Variants in MBD5 observed in about 807,000 individuals in gnomAD.
MBD5 encodes the protein methyl-CpG-binding domain protein 5.
Under a neutral mutation model 117.3 loss-of-function variants are expected in MBD5, and 13 were observed. The observed-to-expected ratio is 0.11, with a 90% CI of 0.07 to 0.18. The LOEUF is 0.18. Ranked by LOEUF, MBD5 falls within the 10% of genes least tolerant of loss-of-function variation. The pLI, the probability that MBD5 is intolerant of heterozygous loss-of-function variation, is 1.00. For missense variants in MBD5, 1,879 were observed against 2,093.8 expected, an observed-to-expected ratio of 0.90 and a Z score of 2.00; for synonymous variants, 727 against 766.4, an observed-to-expected ratio of 0.95 and a Z score of 0.85.
intron 1 of MBD5, among the ~76,000 whole-genome samples, chr2:148,086,864 CT>C (rs1368287948): frequency 6.6e-6 from 1 of 152,126 alleles, no homozygotes; most frequent in African/African-American, 2.4e-5. Context: ...ACTACCTCGC[CT>C]TTATCTTTAA....
intron 1 of MBD5, among the ~76,000 whole-genome samples, chr2:148,065,537 T>C (rs1317292096): frequency 1.3e-5 from 2 of 152,146 alleles, no homozygotes; most frequent in African/African-American, 2.4e-5. Flanking sequence ...GCATTTGAAA[T>C]CATCATTCAA....
At chr2:148,385,474 G>T (rs1704322228) in intron 4 of MBD5, among the ~76,000 whole-genome samples, 1 of 152,070 alleles carries the variant, frequency 6.6e-6, no homozygotes, top group Non-Finnish European at 1.5e-5. Flanking sequence ...GTGCTGGAGA[G>T]GATGTGGAGA....
intron 1 of MBD5, among the ~76,000 whole-genome samples, chr2:148,168,582 C>T (rs1428679051): frequency 6.6e-6 from 1 of 151,980 alleles, no homozygotes; most frequent in African/African-American, 2.4e-5. Flanking sequence ...GGATATACTA[C>T]TAGAGATGTG....
intron 3 of MBD5, among the ~76,000 whole-genome samples, chr2:148,255,199 G>A (rs1700556456): frequency 6.6e-6 from 1 of 152,198 alleles, no homozygotes; most frequent in Non-Finnish European, 1.5e-5. Flanking sequence ...CAACATAGAA[G>A]CTAACTTTTT....
chr2:148,385,134 G>T (rs6730847), intron 4 of MBD5, among the ~76,000 whole-genome samples: 2 of 151,442 alleles, frequency 1.3e-5, no homozygotes, highest in Non-Finnish European at 3.0e-5. Context: ...AAACTAAAGA[G>T]CTTGTGCACA....
chr2:148,160,107 T>G (rs1205005749), intron 1 of MBD5, among the ~76,000 whole-genome samples: 1 of 152,170 alleles, frequency 6.6e-6, no homozygotes, highest in African/African-American at 2.4e-5. Context: ...TATGGAAATC[T>G]GCTCCACAGA....
chr2:148,381,467 C>G (rs1704140780), intron 4 of MBD5, among the ~76,000 whole-genome samples: 1 of 152,060 alleles, frequency 6.6e-6, no homozygotes, highest in South Asian at 2.1e-4. Context: ...GTGAAAAGAC[C>G]AAATCTACGT....
chr2:148,420,601 G>A (rs991628810), intron 4 of MBD5, among the ~76,000 whole-genome samples: 2 of 151,968 alleles, frequency 1.3e-5, no homozygotes, highest in Non-Finnish European at 1.5e-5. Flanking sequence ...ATACTATATT[G>A]CAAACATCAC....
intron 1 of MBD5, among the ~76,000 whole-genome samples, chr2:148,148,860 C>CTA (rs1474344115): frequency 1.3e-5 from 2 of 152,132 alleles, no homozygotes; most frequent in Non-Finnish European, 2.9e-5. Flanking sequence ...ATTTTTCTCT[C>CTA]TATATGCCCT....
intron 1 of MBD5, among the ~76,000 whole-genome samples, chr2:148,126,212 G>A (rs1005098716): frequency 2.7e-5 from 4 of 150,396 alleles, no homozygotes; most frequent in African/African-American, 9.8e-5. Flanking sequence ...CCTGGCCAAT[G>A]TGGTGAAACC....
chr2:148,167,871 C>T (rs894905237), intron 1 of MBD5, among the ~76,000 whole-genome samples: 2 of 152,012 alleles, frequency 1.3e-5, no homozygotes, highest in Non-Finnish European at 2.9e-5. Flanking sequence ...GTAATGGTGG[C>T]CCACCACCAC....
chr2:148,478,407 AC>A (rs1260513172), intron 8 of MBD5, among the ~76,000 whole-genome samples: 1 of 152,044 alleles, frequency 6.6e-6, no homozygotes, highest in Non-Finnish European at 1.5e-5. Flanking sequence ...ATACGGTGAA[AC>A]CCTGTCTGTA....
chr2:148,151,318 T>C (rs1697656476), intron 1 of MBD5, among the ~76,000 whole-genome samples: 1 of 151,790 alleles, frequency 6.6e-6, no homozygotes, highest in Non-Finnish European at 1.5e-5. Context: ...GATAAGCTTT[T>C]TGATGTGCTG....
chr2:148,090,088 G>A (rs1422195865), intron 1 of MBD5, among the ~76,000 whole-genome samples: 1 of 151,936 alleles, frequency 6.6e-6, no homozygotes, highest in Non-Finnish European at 1.5e-5. Context: ...AAATCTGAAG[G>A]AGATGGATAA....
intron 11 of MBD5, among the ~76,000 whole-genome samples, chr2:148,490,963 T>C (rs183668301): frequency 6.6e-6 from 1 of 152,302 alleles, no homozygotes; most frequent in Non-Finnish European, 1.5e-5. Flanking sequence ...TCTGGTAGCC[T>C]TTGGAGGTCC....
chr2:148,141,584 A>T (rs1271392458), intron 1 of MBD5, among the ~76,000 whole-genome samples: 3 of 152,180 alleles, frequency 2.0e-5, no homozygotes, highest in South Asian at 2.1e-4. Flanking sequence ...TTAAATTTTT[A>T]AAATTATATC....
In MBD5 at chr2:148,513,310, T is replaced by C; in HGVS notation, c.*369T>C. On this transcript the variant is annotated 3_prime_UTR_variant, in exon 14 of 14. Transcript: ENST00000642680. Reference sequence around the variant, plus strand: ...GGTGATATCAGAAATGTAAATATTGTACAGTATTGTCATGTACAAGCGTAC... The same window carrying C: ...GGTGATATCAGAAATGTAAATATTGCACAGTATTGTCATGTACAAGCGTAC... 3.5e-6 allele frequency: 1 copy of C among 286,936 alleles called. No individual in the cohort carries two copies. The highest frequency in any genetic ancestry group is 6.7e-6 in the Non-Finnish European group (1 of 149,070). The allele number at this position is 286,936 out of a possible 1,614,324, so 17.8% of individuals were successfully genotyped here. A position where few individuals can be genotyped will look rare whatever the true frequency, so the allele number is the denominator to read the frequency against.
chr2:148,427,043 A>G (rs939972659), intron 4 of MBD5, among the ~76,000 whole-genome samples: 2 of 152,246 alleles, frequency 1.3e-5, no homozygotes, highest in Admixed American at 1.3e-4. Flanking sequence ...CAAAAAACAC[A>G]TGAAAAAATA....
At chr2:148,213,722 CT>C (rs1458285994) in intron 2 of MBD5, among the ~76,000 whole-genome samples, 4 of 152,122 alleles carry the variant, frequency 2.6e-5, no homozygotes, top group Non-Finnish European at 5.9e-5. Flanking sequence ...GTATTTGAGA[CT>C]TACCCCTTTT....
Sources: allele counts gnomAD v4.1 joint callset (sites outside exome capture counted in the v4.1 genomes callset), GRCh38; gene constraint gnomAD v4.1.1; transcripts MANE v1.5; gene names NCBI Gene and HGNC (gene_info 2026-07-23, HGNC 2026-07-21).